The following OLFM3 variants were observed in gnomAD, a reference collection of about 807,000 sequenced individuals.
OLFM3 encodes the protein olfactomedin 3.
In OLFM3, 20 loss-of-function variants were observed where a neutral mutation model predicts 48.6. The ratio of observed to expected loss-of-function variants is 0.41; its 90% CI spans 0.29 to 0.60. OLFM3 has a LOEUF of 0.60. Ranked by LOEUF, OLFM3 falls within the 20% of genes least tolerant of loss-of-function variation. OLFM3 has a pLI of 0.28. For synonymous variants in OLFM3, 222 were observed against 198.1 expected (o/e 1.12, Z -1.01); for missense variants, 437 against 544.3 (o/e 0.80, Z 1.96).
chr1:101,853,656 G>T (rs1204493877), intron 1 of OLFM3, among the ~76,000 whole-genome samples: 1 of 151,920 alleles, frequency 6.6e-6, no homozygotes, highest in East Asian at 1.9e-4. Context: ...TTAATTTCTG[G>T]CCTGCTCTCA....
At chr1:101,967,614 A>AAAAAAAAAAAAAAT (rs1660652932) in intron 1 of OLFM3, among the ~76,000 whole-genome samples, 1 of 143,832 alleles carries the variant, frequency 7.0e-6, no homozygotes, top group South Asian at 2.2e-4. Flanking sequence ...AAAAAAAAAA[A>AAAAAAAAAAAAAAT]GGAATAACTG....
chr1:101,804,031 G>A lies in OLFM3; in HGVS notation c.*207C>T. On this transcript the variant is annotated 3_prime_UTR_variant, in exon 6 of 6. Coordinates refer to ENST00000370103, the MANE Select transcript of OLFM3 (RefSeq NM_058170.4). This position sits in a 1 kb window ranked among gnomAD's most constrained non-coding sequence, Gnocchi z 4.5. ...TGCTTTTCATGACAAGGACATGATA[G>A]GCCTTGTAAATTTAGAAGTTAAGAT... 2.3e-6 allele frequency: 1 copy of A among 432,276 alleles called. No individual in the cohort carries two copies. The highest frequency in any genetic ancestry group is 4.1e-6 in the Non-Finnish European group (1 of 245,324). The allele number at this position is 432,276 out of a possible 1,614,324, so 26.8% of individuals were successfully genotyped here.
intron 1 of OLFM3, 103 bp from the exon 2 acceptor site, chr1:101,837,128 C>T: frequency 8.3e-7 from 1 of 1,210,034 alleles, no homozygotes; most frequent in Non-Finnish European, 1.1e-6. Context: ...GATAATTTAA[C>T]TTTGTGTTTT....
At chr1:101,932,559 C>A (rs72731622) in intron 1 of OLFM3, among the ~76,000 whole-genome samples, 1 of 152,046 alleles carries the variant, frequency 6.6e-6, no homozygotes, top group Non-Finnish European at 1.5e-5. Flanking sequence ...AGAAACAAAC[C>A]CAGTCAACTG....
chr1:101,804,342 C>G lies in OLFM3; in HGVS notation c.1273G>C (p.Asp425His). The change falls in exon 6 of 6, where the codon GAC becomes CAC. Residue 425 changes from aspartate to histidine, a missense_variant. Transcript: ENST00000370103. This position sits in a 1 kb window ranked among gnomAD's most constrained non-coding sequence, Gnocchi z 4.5. ...AGAGCTCGATCTCTTGCATTGTAGT[C>G]AAGCATGGATATGTGAAAGTATTGG... The part of the protein sequence containing the change: ...HNQYFHISML[D>H]YNARDRALYA... The G allele has an allele frequency of 6.2e-7, 1 of 1,612,292 alleles. No homozygotes were observed. Among genetic ancestry groups the G allele is most frequent in the Non-Finnish European group, 8.5e-7 (1 of 1,178,862 alleles).
chr1:101,873,704 G>T (rs1193308600), intron 1 of OLFM3, among the ~76,000 whole-genome samples: 1 of 151,440 alleles, frequency 6.6e-6, no homozygotes, highest in Non-Finnish European at 1.5e-5. Context: ...TAACCATATG[G>T]CCTGTGTTCA....
rs564435288 is a variant in OLFM3, at chr1:101,942,136, G to A, written c.69+54612C>T. Among the ~76,000 whole-genome samples, 7 of 152,234 alleles carry A rather than the reference G, an allele frequency of 4.6e-5. No homozygotes were observed. In the South Asian group the frequency reaches 1.5e-3, roughly 32 times the overall value. On this transcript the variant is annotated intron_variant, in intron 1 of 5. Transcript: ENST00000370103. ...GCCCAGAGTGCATCTTAATCATTTT[G>A]GGGTAATGGAATATTTGAGAATCAA...
intron 2 of OLFM3, among the ~76,000 whole-genome samples, chr1:101,831,673 G>A (rs1180935383): frequency 6.6e-6 from 1 of 152,194 alleles, no homozygotes; most frequent in Non-Finnish European, 1.5e-5. Context: ...TCTCTATGCT[G>A]TTAGTACTCA....
At chr1:101,885,121 TCACAG>T (rs1657695571) in intron 1 of OLFM3, among the ~76,000 whole-genome samples, 1 of 151,956 alleles carries the variant, frequency 6.6e-6, no homozygotes, top group Admixed American at 6.6e-5. Flanking sequence ...GCACATGTCT[TCACAG>T]GATTTACAAC....
At position 101,874,021 on chromosome 1, in the gene OLFM3, C is replaced by T. The variant is rs149161224; in HGVS notation, c.70-36996G>A. Among the ~76,000 whole-genome samples, 178 of 151,862 alleles carry T rather than the reference C, an allele frequency of 1.2e-3. 1 individual carries two copies. Among genetic ancestry groups the T allele is most frequent in the African/African-American group, 4.0e-3 (165 of 41,506 alleles). ...TCAACATTTAGTTATTAATTTCTTC[C>T]TCTTACCTACATGGCTTATTATCAG... On this transcript the variant is annotated intron_variant, in intron 1 of 5. Coordinates refer to ENST00000370103, the MANE Select transcript of OLFM3 (RefSeq NM_058170.4).
chr1:101,987,669 A>G (rs1184037962), intron 1 of OLFM3, among the ~76,000 whole-genome samples: 1 of 152,086 alleles, frequency 6.6e-6, no homozygotes, highest in Non-Finnish European at 1.5e-5. Flanking sequence ...TCCAGTACTG[A>G]TTCTCTATTT....
At chr1:101,864,157 G>A (rs1348731805) in intron 1 of OLFM3, among the ~76,000 whole-genome samples, 1 of 151,784 alleles carries the variant, frequency 6.6e-6, no homozygotes, top group Non-Finnish European at 1.5e-5. Context: ...TAATTGGGGA[G>A]TGATGTCAGT....
intron 1 of OLFM3, among the ~76,000 whole-genome samples, chr1:101,898,433 G>A (rs1187303406): frequency 6.6e-6 from 1 of 152,162 alleles, no homozygotes; most frequent in East Asian, 1.9e-4. Flanking sequence ...ATAGTGGGTG[G>A]TTAAACATAA....
At chr1:101,910,380 G>A (rs371074882) in intron 1 of OLFM3, among the ~76,000 whole-genome samples, 1 of 151,738 alleles carries the variant, frequency 6.6e-6, no homozygotes, top group Non-Finnish European at 1.5e-5. Flanking sequence ...GCCAGAGAAT[G>A]GCGTGAACCC....
intron 1 of OLFM3, among the ~76,000 whole-genome samples, chr1:101,899,595 T>G (rs567309006): frequency 1.3e-5 from 2 of 152,294 alleles, no homozygotes; most frequent in African/African-American, 4.8e-5. Flanking sequence ...ATGTGTTAGT[T>G]GCTGGTAAAC....
chr1:101,949,996 C>T (rs1481675987), intron 1 of OLFM3, among the ~76,000 whole-genome samples: 14 of 144,096 alleles, frequency 9.7e-5, no homozygotes, highest in Non-Finnish European at 2.0e-4. Context: ...CCACTGCACT[C>T]CAGCCTGGGC....
chr1:101,836,766 AG>A (rs1655434396), intron 2 of OLFM3, 112 bp downstream of exon 2: 9 of 1,086,790 alleles, frequency 8.3e-6, no homozygotes, highest in African/African-American at 1.6e-5. Context: ...TTATCTGAGA[AG>A]GGGGACAAAA....
At chr1:101,820,385 T>C (rs935014417) in intron 4 of OLFM3, among the ~76,000 whole-genome samples, 7 of 152,110 alleles carry the variant, frequency 4.6e-5, no homozygotes, top group African/African-American at 1.7e-4. Flanking sequence ...TTTGGTGTTC[T>C]TAGGGGTGTG....
chr1:101,970,529 C>T (rs1570677554), intron 1 of OLFM3, among the ~76,000 whole-genome samples: 1 of 152,114 alleles, frequency 6.6e-6, no homozygotes, highest in East Asian at 1.9e-4. Context: ...TCCTGCTTTT[C>T]TTTCGTACTC....
Sources: allele counts gnomAD v4.1 joint callset (sites outside exome capture counted in the v4.1 genomes callset), GRCh38; gene constraint gnomAD v4.1.1; non-coding constraint Gnocchi (gnomAD v3.1); transcripts MANE v1.5; gene names NCBI Gene and HGNC (gene_info 2026-07-23, HGNC 2026-07-21).